Variants in MYLK4 observed in about 807,000 individuals in gnomAD.
MYLK4 encodes myosin light chain kinase family member 4.
Under a neutral mutation model 48.1 loss-of-function variants are expected in MYLK4, and 46 were observed. The observed-to-expected ratio is 0.96, with a 90% CI of 0.75 to 1.22. The LOEUF (loss-of-function observed/expected upper bound fraction) is 1.22, where lower values mean the gene tolerates loss of function less well. Among genes scored for constraint, MYLK4 ranks in the 50% most tolerant of loss-of-function variants. MYLK4 has a pLI of 0.00. For synonymous variants in MYLK4, 170 were observed against 180.8 expected (o/e 0.94, Z 0.48); for missense variants, 451 against 486.1 (o/e 0.93, Z 0.68).
chr6:2,664,626 A>G lies in MYLK4; in HGVS notation c.*3299T>C, dbSNP rs879597818. On this transcript the variant is annotated 3_prime_UTR_variant, in exon 13 of 13. Transcript: ENST00000274643. ...AAATTGCTAAGCTAATTTCCATAAA[A>G]TGGATAAAAATTAAGTATTCACACA... is the stretch of plus-strand genomic sequence containing the variant. 3.3e-5 allele frequency: 5 copies of G among 152,246 alleles called. No homozygotes were observed. The highest frequency in any genetic ancestry group is 6.5e-5 in the Admixed American group (1 of 15,292). 9.4% of individuals were successfully genotyped at this position (152,246 alleles called of 1,614,324 possible).
chr6:2,699,765 G>A (rs916192465), intron 2 of MYLK4, among the ~76,000 whole-genome samples: 4 of 152,014 alleles, frequency 2.6e-5, no homozygotes, highest in African/African-American at 4.8e-5. Flanking sequence ...TTATATGTTC[G>A]GAGCTGAGGA....
intron 2 of MYLK4, among the ~76,000 whole-genome samples, chr6:2,693,756 CTTTTT>C (rs66817086): frequency 3.2e-5 from 4 of 124,764 alleles, no homozygotes; most frequent in Admixed American, 8.0e-5. Context: ...TGCAAATGTG[CTTTTT>C]TTTTTTTTTT....
chr6:2,750,493 T>A (rs1458921593), intron 1 of MYLK4, among the ~76,000 whole-genome samples: 3 of 152,238 alleles, frequency 2.0e-5, no homozygotes, highest in Admixed American at 6.5e-5. Context: ...AATGCATGGC[T>A]ATTTCTAAGG....
the MYLK4 span, among the ~76,000 whole-genome samples, chr6:2,767,578 G>A: frequency 2.6e-5 from 4 of 152,246 alleles, no homozygotes; most frequent in South Asian, 8.3e-4. Flanking sequence ...ATCTTATGAT[G>A]ATGGTGGTCG....
intron 2 of MYLK4, among the ~76,000 whole-genome samples, chr6:2,722,512 AGTGTGTGTGTGTGTGTGTGTGT>A (rs369339405): frequency 2.9e-5 from 4 of 139,440 alleles, no homozygotes; most frequent in African/African-American, 5.3e-5. Context: ...ACATAAAAGG[AGTGTGTGTGTGTGTGTGTGTGT>A]GTGTGTGTGT....
Position 2,671,272 on chromosome 6 carries a change from T to C in MYLK4, c.*25+4A>G, listed in dbSNP as rs1760882777. 1 of 1,609,542 alleles carries C rather than the reference T, an allele frequency of 6.2e-7. No individual in the cohort carries two copies. The highest frequency in any genetic ancestry group is 8.5e-7 in the Non-Finnish European group (1 of 1,176,244). On this transcript the variant is annotated splice_donor_region_variant and intron_variant, in intron 12 of 12. Transcript: ENST00000274643. ...GACACCTCTTCAGGAGACCCAAGACTAACCTTCCAAATGGCTGCCTCCTGT... is the reference window on the plus strand; with the variant it reads ...GACACCTCTTCAGGAGACCCAAGACCAACCTTCCAAATGGCTGCCTCCTGT...
chr6:2,696,645 T>G (rs2113196297), intron 2 of MYLK4, among the ~76,000 whole-genome samples: 1 of 152,378 alleles, frequency 6.6e-6, no homozygotes, highest in South Asian at 2.1e-4. Context: ...AATAATTTGC[T>G]ATAGCAGCCC....
At chr6:2,765,631 G>C in the MYLK4 span, 2 of 1,535,674 alleles carry the variant, frequency 1.3e-6, no homozygotes, top group South Asian at 1.2e-5. Flanking sequence ...CCATGGAGGT[G>C]AGCGGGCCGG....
chr6:2,702,369 G>T (rs1762317923), intron 2 of MYLK4, among the ~76,000 whole-genome samples: 1 of 152,182 alleles, frequency 6.6e-6, no homozygotes, highest in Non-Finnish European at 1.5e-5. Flanking sequence ...AAAGAATACA[G>T]TTAGAATTAA....
intron 2 of MYLK4, among the ~76,000 whole-genome samples, chr6:2,709,657 C>G (rs1762604503): frequency 6.6e-6 from 1 of 152,204 alleles, no homozygotes; most frequent in Admixed American, 6.5e-5. Context: ...TATGTGATTC[C>G]AACATTCAGT....
intron 2 of MYLK4, among the ~76,000 whole-genome samples, chr6:2,737,595 A>C (rs1027991560): frequency 1.3e-5 from 2 of 152,206 alleles, no homozygotes; most frequent in Non-Finnish European, 2.9e-5. Flanking sequence ...AATCATGTGC[A>C]GAATTTGGTA....
chr6:2,727,470 A>G (rs768178808), intron 2 of MYLK4, among the ~76,000 whole-genome samples: 3 of 152,106 alleles, frequency 2.0e-5, no homozygotes, highest in Non-Finnish European at 4.4e-5. Context: ...CCCATGCACA[A>G]GTGAGTGGGA....
At chr6:2,693,803 G>C (rs377254520) in intron 2 of MYLK4, among the ~76,000 whole-genome samples, 2 of 145,956 alleles carry the variant, frequency 1.4e-5, no homozygotes, top group African/African-American at 2.5e-5. Context: ...TGTTGCCCAG[G>C]CTGGAGTGCA....
chr6:2,751,626 A>C (rs2057549), upstream of MYLK4, among the ~76,000 whole-genome samples: 148,848 of 152,268 alleles, frequency 0.98, 72,858 homozygotes, highest in East Asian at 1. Flanking sequence ...GCAGTCTTGA[A>C]AACCCTGCAA....
intron 2 of MYLK4, among the ~76,000 whole-genome samples, chr6:2,699,287 C>CTTTTTTTTTTTTTTTTTTTTTTTGTTT (rs56959282): frequency 1.3e-5 from 1 of 77,894 alleles, no homozygotes. Flanking sequence ...CTTTTCTTTT[C>CTTTTTTTTTTTTTTTTTTTTTTTGTTT]TTTTTTTTTT....
chr6:2,678,719 T>TG (rs984471860), intron 9 of MYLK4, among the ~76,000 whole-genome samples: 2 of 151,268 alleles, frequency 1.3e-5, no homozygotes, highest in Non-Finnish European at 3.0e-5. Flanking sequence ...CAGTTTTTTT[T>TG]TTTTTTTTTT....
the MYLK4 span, among the ~76,000 whole-genome samples, chr6:2,768,500 T>G: frequency 2.0e-5 from 3 of 152,194 alleles, no homozygotes; most frequent in African/African-American, 2.4e-5. Context: ...TCCTGTTTTA[T>G]TTATAATATT....
intron 2 of MYLK4, among the ~76,000 whole-genome samples, chr6:2,698,079 G>A (rs1762134749): frequency 6.6e-6 from 1 of 152,222 alleles, no homozygotes; most frequent in Admixed American, 6.5e-5. Context: ...TGCATTTTGG[G>A]ATTACAGTTG....
intron 2 of MYLK4, among the ~76,000 whole-genome samples, chr6:2,704,335 C>T (rs1488925395): frequency 2.6e-5 from 4 of 152,186 alleles, no homozygotes; most frequent in African/African-American, 9.7e-5. Flanking sequence ...AGTCCCACGT[C>T]CATGCAGCGC....
Sources: allele counts gnomAD v4.1 joint callset (sites outside exome capture counted in the v4.1 genomes callset), GRCh38; gene constraint gnomAD v4.1.1; transcripts MANE v1.5; gene names NCBI Gene and HGNC (gene_info 2026-07-23, HGNC 2026-07-21).